The following SIL1 variants were observed in gnomAD, a reference collection of about 807,000 sequenced individuals.
SIL1 encodes nucleotide exchange factor SIL1.
A neutral mutation model predicts 49.1 loss-of-function variants in SIL1; 40 were observed. The ratio of observed to expected loss-of-function variants is 0.81; its 90% confidence interval spans 0.63 to 1.06. The LOEUF is 1.06. Among genes scored for constraint, SIL1 ranks in the 50% least tolerant of loss-of-function variants. The probability of loss-of-function intolerance (pLI) is 0.00; values close to 1 mark genes in which losing one functional copy is unlikely to be tolerated. For missense variants in SIL1, 500 were observed against 572.6 expected (o/e 0.87, Z 1.29); for synonymous variants, 253 against 250.8 (o/e 1.01, Z -0.08).
intron 3 of SIL1, among the ~76,000 whole-genome samples, chr5:139,053,969 C>T (rs1257984765): frequency 1.3e-5 from 2 of 152,212 alleles, no homozygotes; most frequent in Non-Finnish European, 2.9e-5. Context: ...ACCTGGCTGG[C>T]ATATAGTGAA....
chr5:139,182,180 T>G (rs564728036), intron 1 of SIL1, among the ~76,000 whole-genome samples: 7 of 152,310 alleles, frequency 4.6e-5, no homozygotes, highest in African/African-American at 1.7e-4. Flanking sequence ...CTCTCATTGC[T>G]TGGGAGCAGG....
chr5:138,959,445 T>C (rs1766971325), intron 7 of SIL1, among the ~76,000 whole-genome samples: 1 of 152,204 alleles, frequency 6.6e-6, no homozygotes, highest in Non-Finnish European at 1.5e-5. Context: ...GAAAAACATA[T>C]TCTGATACTG....
intron 7 of SIL1, among the ~76,000 whole-genome samples, chr5:139,018,458 C>T (rs563437721): frequency 6.6e-5 from 10 of 151,750 alleles, no homozygotes; most frequent in East Asian, 5.8e-4. Flanking sequence ...GATGTGGTGC[C>T]GCGTACCTGT....
chr5:139,162,567 T>C (rs1240576314), intron 1 of SIL1, among the ~76,000 whole-genome samples: 2 of 152,226 alleles, frequency 1.3e-5, no homozygotes, highest in Admixed American at 1.3e-4. Context: ...AGGAGCACAA[T>C]AGTTAATGAA....
In SIL1 at chr5:139,145,627, GGCGTGTGT is replaced by G. The variant is rs1243924331; in HGVS notation, c.-10-17782_-10-17775del. 5.1e-5 allele frequency among the ~76,000 whole-genome samples: 5 copies of G among 97,488 alleles called. No individual in the cohort carries two copies. In the East Asian group the frequency reaches 1.1e-3, roughly 22 times the overall value. The allele number at this position is 97,488 out of a possible 152,430, so 64.0% of individuals were successfully genotyped here. A position where few individuals can be genotyped will look rare whatever the true frequency, so the allele number is the denominator to read the frequency against. On this transcript the variant is annotated intron_variant, in intron 1 of 9. Transcript: ENST00000394817. ...TATAAAATGTGGGTGTGGGTGTGGG[GGCGTGTGT>G]GTGTGTGTGTGTGTGTGTGTGTGTG...
At position 138,946,832 on chromosome 5, in the gene SIL1, C is replaced by T. The variant is rs182513091; in HGVS notation, c.*285G>A. ...GCTGCTGCTTGGTAAGAAGCAGAGA[C>T]TTGCAACTCCTGGGCCCAGGTTCCT... On this transcript the variant is annotated 3_prime_UTR_variant, in exon 10 of 10. Transcript: ENST00000394817. The T allele has an allele frequency of 4.0e-6, 2 of 498,918 alleles. No homozygotes were observed. The highest frequency in any genetic ancestry group is 3.9e-5 in the African/African-American group (2 of 51,764). 30.9% of individuals were successfully genotyped at this position (498,918 alleles called of 1,614,324 possible).
chr5:139,121,299 A>G (rs1273314853), intron 2 of SIL1, 126 bp from the exon 3 acceptor site: 12 of 1,335,896 alleles, frequency 9.0e-6, no homozygotes, highest in East Asian at 2.3e-5. Flanking sequence ...ATATGTCTGG[A>G]CACTCGCAAT....
chr5:139,034,699 A>G (rs1458074854), intron 5 of SIL1, among the ~76,000 whole-genome samples: 2 of 152,222 alleles, frequency 1.3e-5, no homozygotes, highest in Non-Finnish European at 2.9e-5. Context: ...TTTTGCTTCA[A>G]CTATCAAACA....
chr5:139,155,448 TGA>T (rs33957896), intron 1 of SIL1: 4,184 of 125,196 alleles, frequency 0.033, 155 homozygotes, highest in Middle Eastern at 0.085. Context: ...GTACACAGAG[TGA>T]GAGAGAGAGA....
chr5:139,172,442 G>C (rs2151815904), intron 1 of SIL1, among the ~76,000 whole-genome samples: 1 of 152,192 alleles, frequency 6.6e-6, no homozygotes, highest in Middle Eastern at 3.4e-3. Flanking sequence ...GACCAGCCTA[G>C]CCAACATGGC....
In SIL1 at chr5:139,040,497, TC is replaced by T. The variant is rs1400429363; in HGVS notation, c.453+2122del. ...GGAGTATTTTTTCTTTTTTCTTTTT[TC>T]TTTTTTTTTTTTTTTTTGAGACAGA... On this transcript the variant is annotated intron_variant, in intron 5 of 9. Transcript: ENST00000394817. Among the ~76,000 whole-genome samples, 129 of 109,114 alleles carry T rather than the reference TC, an allele frequency of 1.2e-3. 13 individuals are homozygous for T. Among genetic ancestry groups the T allele is most frequent in the Middle Eastern group, 4.5e-3 (1 of 222 alleles). The allele number at this position is 109,114 out of a possible 152,430, so 71.6% of individuals were successfully genotyped here. A position where few individuals can be genotyped will look rare whatever the true frequency, so the allele number is the denominator to read the frequency against.
intron 5 of SIL1, among the ~76,000 whole-genome samples, chr5:139,030,095 A>T (rs1768753657): frequency 6.6e-6 from 1 of 151,970 alleles, no homozygotes. Flanking sequence ...AGGTGGGTGG[A>T]TCGCTTGAGC....
intron 3 of SIL1, among the ~76,000 whole-genome samples, chr5:139,052,931 G>C (rs1769325450): frequency 6.6e-6 from 1 of 152,142 alleles, no homozygotes; most frequent in Admixed American, 6.5e-5. Context: ...CAGGAAGCCT[G>C]GGTTCATATT....
At chr5:138,951,687 A>G in intron 8 of SIL1, 101 bp downstream of exon 8, 1 of 1,121,018 alleles carries the variant, frequency 8.9e-7, no homozygotes, top group Middle Eastern at 2.0e-4. Flanking sequence ...GATGATGCTC[A>G]GGCCCCCATG....
chr5:139,089,130 G>A (rs756453046), intron 3 of SIL1, among the ~76,000 whole-genome samples: 1 of 152,168 alleles, frequency 6.6e-6, no homozygotes, highest in Non-Finnish European at 1.5e-5. Flanking sequence ...GGAGGAGGCA[G>A]AAATAGTAAA....
intron 7 of SIL1, among the ~76,000 whole-genome samples, chr5:138,970,644 G>A (rs1194925186): frequency 6.6e-6 from 1 of 152,106 alleles, no homozygotes; most frequent in Non-Finnish European, 1.5e-5. Flanking sequence ...TTTTCTCCCT[G>A]TAAACAGCCA....
At chr5:139,157,080 C>G (rs1451285148) in intron 1 of SIL1, among the ~76,000 whole-genome samples, 1 of 152,210 alleles carries the variant, frequency 6.6e-6, no homozygotes, top group Non-Finnish European at 1.5e-5. Context: ...AGCTCCTCTG[C>G]TGCAAAGCCT....
At chr5:139,118,668 T>A (rs1750535077) in intron 3 of SIL1, among the ~76,000 whole-genome samples, 1 of 152,186 alleles carries the variant, frequency 6.6e-6, no homozygotes, top group Non-Finnish European at 1.5e-5. Context: ...CCTTTTAATC[T>A]TTAGGTAGAT....
At chr5:139,152,767 C>T (rs535657206) in intron 1 of SIL1, among the ~76,000 whole-genome samples, 56 of 152,290 alleles carry the variant, frequency 3.7e-4, no homozygotes, top group Non-Finnish European at 5.7e-4. Flanking sequence ...TCCATACTCG[C>T]AACCTGCCAC....
Sources: gnomAD v4.1 joint callset for allele counts (sites outside exome capture counted in the v4.1 genomes callset) on GRCh38, gnomAD v4.1.1 for gene constraint, MANE v1.5 for transcripts, NCBI Gene and HGNC (gene_info 2026-07-23, HGNC 2026-07-21) for gene names.